KCNK13: variants seen among roughly 807,000 people sequenced by gnomAD.
The protein encoded by KCNK13 is potassium two pore domain channel subfamily K member 13.
KCNK13 carries 12 observed loss-of-function variants against 23.4 expected under a neutral mutation model. The observed-to-expected ratio is 0.51, with a 90% CI of 0.33 to 0.83. The LOEUF is 0.83. Among genes scored for constraint, KCNK13 ranks in the 40% least tolerant of loss-of-function variants. KCNK13 has a pLI of 0.02. For synonymous variants in KCNK13, 231 were observed against 229.5 expected, an observed-to-expected ratio of 1.01 and a Z score of -0.06; for missense variants, 463 against 556.3, an observed-to-expected ratio of 0.83 and a Z score of 1.69.
At chr14:90,173,324 T>G (rs1400902856) in intron 1 of KCNK13, among the ~76,000 whole-genome samples, 1 of 152,104 alleles carries the variant, frequency 6.6e-6, no homozygotes, top group Non-Finnish European at 1.5e-5. Flanking sequence ...ACCACTGCAC[T>G]CCAGCCTGCG....
rs374303532 is a variant in KCNK13 at position 90,150,249 on chromosome 14, G to A, written c.335-33862G>A. Among the ~76,000 whole-genome samples the A allele has an allele frequency of 3.3e-4, 50 of 152,268 alleles. 3 individuals carry two copies. The East Asian group carries it at 4.4e-3, about 14-fold the overall frequency. Reference sequence around the variant, plus strand: ...TGGCTTGTTTGGGGATGATAGTTAAGTACGGCTGGTTTTGAACCTGGGAAG... The same window carrying A: ...TGGCTTGTTTGGGGATGATAGTTAAATACGGCTGGTTTTGAACCTGGGAAG... On this transcript the variant is annotated intron_variant, in intron 1 of 1. Transcript: ENST00000282146.
intron 1 of KCNK13, among the ~76,000 whole-genome samples, chr14:90,109,899 G>A (rs1462537142): frequency 6.6e-6 from 1 of 151,770 alleles, no homozygotes; most frequent in African/African-American, 2.4e-5. Flanking sequence ...TGTAGAGACA[G>A]GATTTCGCCA....
intron 1 of KCNK13, among the ~76,000 whole-genome samples, chr14:90,067,465 A>G (rs1889022574): frequency 6.6e-6 from 1 of 152,202 alleles, no homozygotes; most frequent in African/African-American, 2.4e-5. Context: ...GACGGCCAGA[A>G]GTGGGAGTTA....
chr14:90,163,625 A>C (rs529739469), intron 1 of KCNK13, among the ~76,000 whole-genome samples: 7 of 152,186 alleles, frequency 4.6e-5, no homozygotes, highest in Non-Finnish European at 1.0e-4. Context: ...TGTGGTTTGC[A>C]CTGGGTGCTT....
intron 1 of KCNK13, among the ~76,000 whole-genome samples, chr14:90,126,457 C>G (rs1445350229): frequency 4.0e-5 from 6 of 151,792 alleles, no homozygotes; most frequent in Non-Finnish European, 7.4e-5. Flanking sequence ...CGTGACGTGA[C>G]GTGACGTGAC....
intron 1 of KCNK13, among the ~76,000 whole-genome samples, chr14:90,178,054 C>T (rs893019005): frequency 8.6e-5 from 13 of 152,012 alleles, no homozygotes; most frequent in African/African-American, 3.1e-4. Flanking sequence ...AACATTTTCA[C>T]CAGTCATTGA....
At chr14:90,118,269 G>A (rs1248669500) in intron 1 of KCNK13, among the ~76,000 whole-genome samples, 2 of 152,166 alleles carry the variant, frequency 1.3e-5, no homozygotes, top group African/African-American at 4.8e-5. Context: ...GGTAATGAGG[G>A]GAGTTGGGCA....
intron 1 of KCNK13, among the ~76,000 whole-genome samples, chr14:90,074,357 TG>T (rs995825301): frequency 3.3e-5 from 5 of 152,250 alleles, no homozygotes; most frequent in Non-Finnish European, 7.3e-5. Flanking sequence ...ACTTTTTTAT[TG>T]GCTTAAATTT....
At chr14:90,074,741 A>T (rs1786019217) in intron 1 of KCNK13, among the ~76,000 whole-genome samples, 1 of 152,090 alleles carries the variant, frequency 6.6e-6, no homozygotes, top group Admixed American at 6.6e-5. Flanking sequence ...ATTATCCACA[A>T]CCACCCTCCA....
At chr14:90,088,850 T>A (rs987312346) in intron 1 of KCNK13, among the ~76,000 whole-genome samples, 3 of 152,104 alleles carry the variant, frequency 2.0e-5, no homozygotes, top group Non-Finnish European at 4.4e-5. Context: ...ATGAGTCTCA[T>A]GAGATCTGAT....
chr14:90,092,912 C>CAAAAAAAAAAAA (rs34122207), intron 1 of KCNK13, among the ~76,000 whole-genome samples: 4 of 78,308 alleles, frequency 5.1e-5, no homozygotes, highest in African/African-American at 9.4e-5. Context: ...ACCCTGTCTC[C>CAAAAAAAAAAAA]AAAAAAAAAA....
chr14:90,070,138 A>G (rs1217946763), intron 1 of KCNK13, among the ~76,000 whole-genome samples: 1 of 152,232 alleles, frequency 6.6e-6, no homozygotes. Flanking sequence ...AAACACTGCC[A>G]ATTAAATTCT....
chr14:90,179,731 C>T (rs1890464596), intron 1 of KCNK13, among the ~76,000 whole-genome samples: 2 of 152,156 alleles, frequency 1.3e-5, no homozygotes, highest in Non-Finnish European at 2.9e-5. Flanking sequence ...TGAAAGGTAC[C>T]ACCTGTGACT....
intron 1 of KCNK13, among the ~76,000 whole-genome samples, chr14:90,177,834 C>G (rs1890440161): frequency 6.6e-6 from 1 of 152,122 alleles, no homozygotes; most frequent in South Asian, 2.1e-4. Flanking sequence ...GGAGCTAGCC[C>G]CTGCATGTTT....
chr14:90,176,491 T>C (rs911168334), intron 1 of KCNK13, among the ~76,000 whole-genome samples: 2 of 152,022 alleles, frequency 1.3e-5, no homozygotes, highest in Non-Finnish European at 2.9e-5. Context: ...CCAGTTGACA[T>C]TGGAGGGGCT....
chr14:90,108,025 TCCTCAAGAG>T, intron 1 of KCNK13: 1 of 664,968 alleles, frequency 1.5e-6, no homozygotes, highest in Non-Finnish European at 2.8e-6. Context: ...CTGACTTTCC[TCCTCAAGAG>T]CTGGATGGCA....
intron 1 of KCNK13, among the ~76,000 whole-genome samples, chr14:90,130,000 G>A (rs1048200753): frequency 2.6e-5 from 4 of 152,068 alleles, no homozygotes; most frequent in Admixed American, 6.5e-5. Context: ...TAACATGTTA[G>A]CCGAGACCAT....
At chr14:90,121,250 C>T (rs1160773876) in intron 1 of KCNK13, among the ~76,000 whole-genome samples, 2 of 152,168 alleles carry the variant, frequency 1.3e-5, no homozygotes, top group Non-Finnish European at 2.9e-5. Context: ...TGACTTTCAT[C>T]GACAGGTTTC....
At chr14:90,145,085 T>C (rs1890058008) in intron 1 of KCNK13, among the ~76,000 whole-genome samples, 1 of 152,102 alleles carries the variant, frequency 6.6e-6, no homozygotes, top group African/African-American at 2.4e-5. Context: ...TCTATTGATA[T>C]GGTAAATTAC....
Sources: allele counts gnomAD v4.1 joint callset (sites outside exome capture counted in the v4.1 genomes callset), GRCh38; gene constraint gnomAD v4.1.1; transcripts MANE v1.5; gene names NCBI Gene and HGNC (gene_info 2026-07-23, HGNC 2026-07-21).